GYG1: variants seen among roughly 807,000 people sequenced by gnomAD.
The protein encoded by GYG1 is glycogenin-1.
In GYG1, 44 loss-of-function variants were observed where a neutral mutation model predicts 41.9. That is an observed-to-expected ratio of 1.05 (90% CI 0.83 to 1.35). The LOEUF (loss-of-function observed/expected upper bound fraction) is 1.35, where lower values mean the gene tolerates loss of function less well. Among genes scored for constraint, GYG1 ranks in the 40% most tolerant of loss-of-function variants. The pLI is 0.00. For synonymous variants in GYG1, 141 were observed against 158.1 expected (o/e 0.89, Z 0.81); for missense variants, 429 against 418.9 (o/e 1.02, Z -0.21).
Position 148,994,255 on chromosome 3 carries a change from C to T in GYG1, c.121C>T (p.Pro41Ser). The T allele has an allele frequency of 6.2e-7, 1 of 1,614,108 alleles. No homozygotes were observed. The highest frequency in any genetic ancestry group is 1.3e-5 in the African/African-American group (1 of 75,022). Residue 41 changes from proline to serine, a missense_variant, in exon 2 of 8, where the codon CCT becomes TCT. Pro to Ser is a moderately conservative substitution (Grantham distance 74). Transcript: ENST00000345003. ...TTRRLVVLATPQVSDSMRKVL... is the reference protein window; with the variant it reads ...TTRRLVVLATSQVSDSMRKVL... ...CAGGAGGCTGGTCGTGCTCGCCACC[C>T]CTCAGGTCTCAGACTCCATGAGGTG...
In GYG1 at chr3:149,009,752, C is replaced by T. The variant is rs372468653; in HGVS notation, c.608+350C>T. Among the ~76,000 whole-genome samples, 7 of 152,326 alleles carry T rather than the reference C, an allele frequency of 4.6e-5. No individual in the cohort carries two copies. In the East Asian group the frequency reaches 1.2e-3, roughly 25 times the overall value. The stretch of plus-strand genomic sequence containing the variant: ...AGTTTGTGCCCTAACTCAATGTCTT[C>T]CCCATACTGGCTGCTGAGCTTTGGT... On this transcript the variant is annotated intron_variant, in intron 5 of 7. Coordinates refer to ENST00000345003, the MANE Select transcript of GYG1 (RefSeq NM_004130.4).
At chr3:149,008,864 C>T in intron 4 of GYG1, 1 of 203,394 alleles carries the variant, frequency 4.9e-6, no homozygotes. Flanking sequence ...AGGAACTTAA[C>T]TCAAAAATGA....
intron 4 of GYG1, chr3:149,001,002 A>G (rs1041219572): frequency 2.6e-5 from 4 of 152,210 alleles, no homozygotes; most frequent in African/African-American, 4.8e-5. Flanking sequence ...TTGGTGCTAC[A>G]TTGTATTAAA....
At chr3:149,019,067 T>C (rs1714219837) in intron 5 of GYG1, among the ~76,000 whole-genome samples, 1 of 114,898 alleles carries the variant, frequency 8.7e-6, no homozygotes, top group Non-Finnish European at 1.9e-5. Flanking sequence ...AGACACTGTC[T>C]TAAAAAAAAA....
At chr3:149,003,949 T>G (rs371621866) in intron 4 of GYG1, 1 of 152,238 alleles carries the variant, frequency 6.6e-6, no homozygotes, top group African/African-American at 2.4e-5. Flanking sequence ...TGTTTCTGTC[T>G]TAGGAAACAA....
intron 5 of GYG1, among the ~76,000 whole-genome samples, chr3:149,012,612 TTCTC>T (rs1374106165): frequency 1.3e-5 from 2 of 152,168 alleles, no homozygotes; most frequent in Non-Finnish European, 2.9e-5. Flanking sequence ...TCTAGTGCCT[TTCTC>T]TCTGTATCAT....
rs925058530 is a variant in GYG1 at position 149,031,166 on chromosome 3, AAAG to A, written c.*4236_*4238del. ...GCTTATTAACAAAAAAGTAAAAAAAAAAGAAAAGAAAAAAGATGACTAATTCTA... is the reference window on the plus strand; with the variant it reads ...GCTTATTAACAAAAAAGTAAAAAAAAAAAAGAAAAAAGATGACTAATTCTA... On this transcript the variant is annotated 3_prime_UTR_variant, in exon 8 of 8. Transcript: ENST00000345003. 2.0e-5 allele frequency: 3 copies of A among 152,514 alleles called. No individual in the cohort carries two copies. The highest frequency in any genetic ancestry group is 6.5e-5 in the Admixed American group (1 of 15,284). The allele number at this position is 152,514 out of a possible 1,614,324, so 9.4% of individuals were successfully genotyped here.
Position 148,996,423 on chromosome 3 carries a change from T to G in GYG1, c.265T>G (p.Cys89Gly). The G allele has an allele frequency of 6.2e-7, 1 of 1,614,048 alleles. No homozygotes were observed. The highest frequency in any genetic ancestry group is 8.5e-7 in the Non-Finnish European group (1 of 1,179,942). Residue 89 changes from cysteine (C) to glycine (G), a missense_variant, in exon 3 of 8, where the codon TGC (cysteine) becomes GGC (glycine). Coordinates refer to ENST00000345003, the MANE Select transcript of GYG1 (RefSeq NM_004130.4). Reference sequence around the variant, plus strand: ...GGGTGTCACGCTGACAAAGCTCCACTGCTGGTCGCTTACACAGTATTCAAA... The same window carrying G: ...GGGTGTCACGCTGACAAAGCTCCACGGCTGGTCGCTTACACAGTATTCAAA... Reference protein sequence around the residue: ...ELGVTLTKLHCWSLTQYSKCV... With the variant: ...ELGVTLTKLHGWSLTQYSKCV...
intron 4 of GYG1, among the ~76,000 whole-genome samples, chr3:149,006,147 A>G (rs1010265584): frequency 2.2e-5 from 3 of 136,576 alleles, no homozygotes; most frequent in Admixed American, 8.2e-5. Context: ...CGGTGGCGTG[A>G]TCTCAGCTCA....
At position 149,031,071 on chromosome 3, in the gene GYG1, T is replaced by G. The variant is rs1337366014; in HGVS notation, c.*4138T>G. 1 of 152,114 alleles carries G rather than the reference T, an allele frequency of 6.6e-6. No homozygotes were observed. Among genetic ancestry groups the G allele is most frequent in the Non-Finnish European group, 1.5e-5 (1 of 68,010 alleles). The allele number at this position is 152,114 out of a possible 1,614,324, so 9.4% of individuals were successfully genotyped here. ...AATAAAACCACCTACCTAATCTGAC[T>G]GCTAAATTTCTAGCTTCTTTGTTTT... On this transcript the variant is annotated 3_prime_UTR_variant, in exon 8 of 8. Transcript: ENST00000345003.
intron 5 of GYG1, among the ~76,000 whole-genome samples, chr3:149,018,704 A>G (rs552905571): frequency 6.6e-6 from 1 of 152,226 alleles, no homozygotes; most frequent in South Asian, 2.1e-4. Flanking sequence ...CTGGTCCTCT[A>G]AAACCTCTGA....
chr3:148,997,023 A>C, intron 4 of GYG1, 119 bp downstream of exon 4: 1 of 783,714 alleles, frequency 1.3e-6, no homozygotes. Flanking sequence ...AGATGGAGCA[A>C]GCATTTTAAG....
rs1714831988 is a variant in GYG1, at chr3:149,029,335, C to CTT, written c.*2403_*2404dup. On this transcript the variant is annotated 3_prime_UTR_variant, in exon 8 of 8. Coordinates refer to ENST00000345003, the MANE Select transcript of GYG1 (RefSeq NM_004130.4). ...TATTTGCAGAGGTGATCCATATATA[C>CTT]TTATCCCCTTGCAGTGGCTGGTATG... Among the ~76,000 whole-genome samples the CTT allele has an allele frequency of 6.6e-6, 1 of 152,178 alleles. No individual in the cohort carries two copies. Among genetic ancestry groups the CTT allele is most frequent in the East Asian group, 1.9e-4 (1 of 5,194 alleles).
chr3:149,007,674 G>A (rs1299974036), intron 4 of GYG1, among the ~76,000 whole-genome samples: 3 of 152,212 alleles, frequency 2.0e-5, no homozygotes, highest in South Asian at 2.1e-4. Context: ...ACAGCCGACT[G>A]GACTTGCTGT....
At chr3:149,021,817 T>G (rs1032039179) in intron 5 of GYG1, among the ~76,000 whole-genome samples, 6 of 152,300 alleles carry the variant, frequency 3.9e-5, no homozygotes, top group Non-Finnish European at 8.8e-5. Context: ...GAGTTTGTAT[T>G]ATTTTGAACG....
chr3:149,018,597 C>T (rs992595749), intron 5 of GYG1, among the ~76,000 whole-genome samples: 2 of 152,166 alleles, frequency 1.3e-5, no homozygotes, highest in African/African-American at 4.8e-5. Context: ...CCTTATTTCT[C>T]ACTTTTCTGC....
At position 149,027,426 on chromosome 3, in the gene GYG1, G is replaced by A. The variant is rs1162457633; in HGVS notation, c.*493G>A. The A allele has an allele frequency of 5.7e-6, 1 of 175,504 alleles. No individual in the cohort carries two copies. The highest frequency in any genetic ancestry group is 2.4e-5 in the African/African-American group (1 of 41,856). The allele number at this position is 175,504 out of a possible 1,614,324, so 10.9% of individuals were successfully genotyped here. A position where few individuals can be genotyped will look rare whatever the true frequency, so the allele number is the denominator to read the frequency against. ...AGATAGGCTATCTCAACACTGCTGA[G>A]TGATTCATAAACATATCAACCAATA... is the stretch of plus-strand genomic sequence containing the variant. On this transcript the variant is annotated 3_prime_UTR_variant, in exon 8 of 8. Coordinates refer to ENST00000345003, the MANE Select transcript of GYG1 (RefSeq NM_004130.4).
chr3:149,010,291 C>T (rs542762871), intron 5 of GYG1, among the ~76,000 whole-genome samples: 3 of 150,946 alleles, frequency 2.0e-5, no homozygotes, highest in East Asian at 3.9e-4. Context: ...TTTTTGGTAA[C>T]GTGCTTGTTT....
intron 5 of GYG1, among the ~76,000 whole-genome samples, chr3:149,023,022 C>G (rs1207910591): frequency 6.6e-6 from 1 of 152,094 alleles, no homozygotes; most frequent in Non-Finnish European, 1.5e-5. Flanking sequence ...GCAAATATTT[C>G]TTACATATAT....
Sources: gnomAD v4.1 joint callset for allele counts (sites outside exome capture counted in the v4.1 genomes callset) on GRCh38, gnomAD v4.1.1 for gene constraint, MANE v1.5 for transcripts, NCBI Gene and HGNC (gene_info 2026-07-23, HGNC 2026-07-21) for gene names.